The following METTL15 variants were observed in gnomAD, a reference collection of about 807,000 sequenced individuals.
METTL15 encodes the protein 12S rRNA N(4)-cytidine methyltransferase METTL15.
Under a neutral mutation model 38.3 loss-of-function variants are expected in METTL15, and 34 were observed. The ratio of observed to expected loss-of-function variants is 0.89; its 90% CI spans 0.68 to 1.18. The LOEUF (loss-of-function observed/expected upper bound fraction) is 1.18, where lower values mean the gene tolerates loss of function less well. Among genes scored for constraint, METTL15 ranks in the 50% most tolerant of loss-of-function variants. The pLI, the probability that METTL15 is intolerant of heterozygous loss-of-function variation, is 0.00. For missense variants in METTL15, 438 were observed against 498.4 expected, an observed-to-expected ratio of 0.88 and a Z score of 1.15; for synonymous variants, 162 against 170.9, an observed-to-expected ratio of 0.95 and a Z score of 0.41.
At chr11:28,292,835 C>T (rs1856573715) in intron 5 of METTL15, among the ~76,000 whole-genome samples, 1 of 152,216 alleles carries the variant, frequency 6.6e-6, no homozygotes, top group South Asian at 2.1e-4. Flanking sequence ...TTTCATGTGT[C>T]TTTTGGCTGC....
At chr11:28,454,577 C>T (rs1230670319) in intron 6 of METTL15, among the ~76,000 whole-genome samples, 1 of 152,156 alleles carries the variant, frequency 6.6e-6, no homozygotes, top group Non-Finnish European at 1.5e-5. Context: ...AGTCATTTAG[C>T]ATGGGCCACT....
At chr11:28,405,815 A>G (rs541859747) in intron 5 of METTL15, among the ~76,000 whole-genome samples, 33 of 152,246 alleles carry the variant, frequency 2.2e-4, no homozygotes, top group African/African-American at 7.5e-4. Flanking sequence ...CATAGCCACT[A>G]TTTTATGAAG....
At chr11:28,121,739 A>AT (rs1180328761) in intron 3 of METTL15, among the ~76,000 whole-genome samples, 2 of 151,932 alleles carry the variant, frequency 1.3e-5, no homozygotes, top group Non-Finnish European at 2.9e-5. Context: ...TATATTGAAG[A>AT]TTTTTTCTAT....
At chr11:28,171,064 C>A (rs371383933) in intron 3 of METTL15, among the ~76,000 whole-genome samples, 11 of 152,302 alleles carry the variant, frequency 7.2e-5, no homozygotes, top group African/African-American at 2.6e-4. Context: ...ACTACTTCAG[C>A]TCCCTTGGAC....
At chr11:28,490,131 C>T (rs968140717) in intron 6 of METTL15, among the ~76,000 whole-genome samples, 3 of 152,088 alleles carry the variant, frequency 2.0e-5, no homozygotes, top group Non-Finnish European at 4.4e-5. Flanking sequence ...CTTATCTTTT[C>T]AGTAGTTGAG....
chr11:28,115,954 A>G (rs1851934528), intron 3 of METTL15, among the ~76,000 whole-genome samples: 1 of 151,324 alleles, frequency 6.6e-6, no homozygotes, highest in African/African-American at 2.4e-5. Flanking sequence ...ACACACACAC[A>G]CACACACACA....
intron 6 of METTL15, among the ~76,000 whole-genome samples, chr11:28,325,490 C>T (rs1018363227): frequency 6.6e-6 from 1 of 152,190 alleles, no homozygotes; most frequent in Non-Finnish European, 1.5e-5. Flanking sequence ...GCCGTACACA[C>T]CCGATGATGT....
intron 6 of METTL15, among the ~76,000 whole-genome samples, chr11:28,479,095 G>A (rs11030347): frequency 0.017 from 2,338 of 138,614 alleles, 37 homozygotes; most frequent in African/African-American, 0.045. Flanking sequence ...GTGTGTGTGT[G>A]TTTGCTTTTG....
At chr11:28,310,999 T>TGAGA (rs1329335628) in intron 6 of METTL15, among the ~76,000 whole-genome samples, 1 of 144,616 alleles carries the variant, frequency 6.9e-6, no homozygotes, top group African/African-American at 2.7e-5. Flanking sequence ...TGTGTGTGTG[T>TGAGA]GTGTGAGAGA....
chr11:28,279,164 G>C (rs975330602), intron 4 of METTL15, among the ~76,000 whole-genome samples: 1 of 152,032 alleles, frequency 6.6e-6, no homozygotes. Flanking sequence ...TTTGAATTTT[G>C]TATCAGGGTT....
At chr11:28,512,679 G>A (rs1426064036) in intron 6 of METTL15, among the ~76,000 whole-genome samples, 1 of 152,102 alleles carries the variant, frequency 6.6e-6, no homozygotes, top group Non-Finnish European at 1.5e-5. Flanking sequence ...GCCCGTAAGT[G>A]CCACGCACAG....
chr11:28,430,085 C>G (rs1285284416), intron 6 of METTL15, among the ~76,000 whole-genome samples: 1 of 148,536 alleles, frequency 6.7e-6, no homozygotes, highest in Admixed American at 6.7e-5. Context: ...TCTGCCCGGC[C>G]GCCCTGTCTG....
chr11:28,250,179 G>T (rs1854680053), intron 4 of METTL15, among the ~76,000 whole-genome samples: 1 of 152,008 alleles, frequency 6.6e-6, no homozygotes, highest in Non-Finnish European at 1.5e-5. Flanking sequence ...GTGCTGTGAT[G>T]AACATAGTGT....
rs917853568 is a variant in METTL15, at chr11:28,234,953, T to C, written c.407+23755T>C. On this transcript the variant is annotated intron_variant, in intron 4 of 6. Transcript: ENST00000407364. ...TATGGTTTTAGGTCTAACGTTTAAA[T>C]CTTTAATCCATCTTGAATTAATTTT... Among the ~76,000 whole-genome samples the C allele has an allele frequency of 2.1e-4, 32 of 151,276 alleles. 1 individual carries two copies. Among genetic ancestry groups the C allele is most frequent in the African/African-American group, 5.6e-4 (23 of 41,174 alleles).
chr11:28,227,248 T>C (rs1853518811), intron 4 of METTL15, among the ~76,000 whole-genome samples: 1 of 151,896 alleles, frequency 6.6e-6, no homozygotes, highest in Admixed American at 6.6e-5. Context: ...TTAAGACCTA[T>C]AGTCTGTGAC....
chr11:28,221,755 T>G (rs1277074635), intron 4 of METTL15, among the ~76,000 whole-genome samples: 2 of 152,184 alleles, frequency 1.3e-5, no homozygotes, highest in Admixed American at 1.3e-4. Context: ...TTCTGTTTGT[T>G]AGTTTTCCTT....
chr11:28,496,225 G>A (rs1344831186), intron 6 of METTL15, among the ~76,000 whole-genome samples: 1 of 152,220 alleles, frequency 6.6e-6, no homozygotes, highest in African/African-American at 2.4e-5. Context: ...CGAATCAGAA[G>A]CAAAGTTATG....
At chr11:28,283,535 C>G (rs551904540) in intron 4 of METTL15, among the ~76,000 whole-genome samples, 10 of 152,284 alleles carry the variant, frequency 6.6e-5, no homozygotes, top group African/African-American at 2.4e-4. Flanking sequence ...CTAATAAGTA[C>G]ACAGTGAATG....
chr11:28,517,467 C>T (rs1322558576), intron 6 of METTL15, among the ~76,000 whole-genome samples: 1 of 152,086 alleles, frequency 6.6e-6, no homozygotes, highest in African/African-American at 2.4e-5. Context: ...GCAATCCTTT[C>T]GTTGTGAGAG....
Sources: gnomAD v4.1 joint callset for allele counts (sites outside exome capture counted in the v4.1 genomes callset) on GRCh38, gnomAD v4.1.1 for gene constraint, MANE v1.5 for transcripts, NCBI Gene and HGNC (gene_info 2026-07-23, HGNC 2026-07-21) for gene names.